Variants in GRIK2 observed in about 807,000 individuals in gnomAD.
GRIK2 encodes glutamate receptor ionotropic, kainate 2.
GRIK2 carries 32 observed loss-of-function variants against 100.3 expected under a neutral mutation model. That is an observed-to-expected ratio of 0.32 (90% CI 0.24 to 0.43). The LOEUF is 0.43. Ranked by LOEUF, GRIK2 falls within the 20% of genes least tolerant of loss-of-function variation. The probability of loss-of-function intolerance (pLI) is 1.00; values close to 1 mark genes in which losing one functional copy is unlikely to be tolerated. For missense variants in GRIK2, 843 were observed against 1,114.9 expected (o/e 0.76, Z 3.47); for synonymous variants, 417 against 389.4 (o/e 1.07, Z -0.83).
chr6:101,456,992 A>G (rs1771044301), intron 2 of GRIK2, among the ~76,000 whole-genome samples: 1 of 152,148 alleles, frequency 6.6e-6, no homozygotes, highest in Non-Finnish European at 1.5e-5. Flanking sequence ...TAAGTATGCC[A>G]TAGCAAAAAG....
At chr6:101,429,627 T>G (rs1769261637) in intron 2 of GRIK2, among the ~76,000 whole-genome samples, 1 of 152,136 alleles carries the variant, frequency 6.6e-6, no homozygotes, top group Non-Finnish European at 1.5e-5. Context: ...CTCTGGCCTA[T>G]AAGAAGGAAG....
At position 101,700,976 on chromosome 6, in the gene GRIK2, C is replaced by T. The variant is rs147266717; in HGVS notation, c.951+14623C>T. 6.5e-3 allele frequency among the ~76,000 whole-genome samples: 994 copies of T among 152,230 alleles called. 11 individuals carry two copies. The highest frequency in any genetic ancestry group is 0.029 in the South Asian group (140 of 4,826). ...TGACTAGGAAGACTCTAGTGCTTTTCACCGAAGTGGGGCTATTGCAAAAGC... is the reference window on the plus strand; with the variant it reads ...TGACTAGGAAGACTCTAGTGCTTTTTACCGAAGTGGGGCTATTGCAAAAGC... On this transcript the variant is annotated intron_variant, in intron 7 of 16. Coordinates refer to ENST00000369134, the MANE Select transcript of GRIK2 (RefSeq NM_021956.5).
chr6:101,695,676 G>A (rs961023349), intron 7 of GRIK2, among the ~76,000 whole-genome samples: 3 of 151,948 alleles, frequency 2.0e-5, no homozygotes, highest in African/African-American at 7.3e-5. Context: ...CTTATGACAG[G>A]ATTGCATGTT....
In GRIK2 at chr6:102,055,512, G is replaced by A; in HGVS notation, c.2494G>A (p.Val832Met). Residue 832 changes from valine to methionine, a missense_variant, in exon 16 of 17, where the codon GTG becomes ATG. Physicochemically the swap from Val to Met is conservative, Grantham distance 21. Coordinates refer to ENST00000369134, the MANE Select transcript of GRIK2 (RefSeq NM_021956.5). ...CTTCATTGTTCTGGCAGCCGGCTTGGTGCTTTCAGTTTTTGTGGCAGTGGG... is the reference window on the plus strand; with the variant it reads ...CTTCATTGTTCTGGCAGCCGGCTTGATGCTTTCAGTTTTTGTGGCAGTGGG... ...GIFIVLAAGL[V>M]LSVFVAVGEF... 1 of 1,613,454 alleles carries A rather than the reference G, an allele frequency of 6.2e-7. No homozygotes were observed. The highest frequency in any genetic ancestry group is 8.5e-7 in the Non-Finnish European group (1 of 1,179,496).
rs1776695856 is a variant in GRIK2, at chr6:101,750,133, G to T, written c.952-49515G>T. On this transcript the variant is annotated intron_variant, in intron 7 of 16. Transcript: ENST00000369134. ...CCCAGCAGTGTGTGCCAGTTTCTAT[G>T]ATAAATATCGTACCTAAAGTTGCCT... Among the ~76,000 whole-genome samples the T allele has an allele frequency of 2.0e-5, 3 of 152,008 alleles. No individual in the cohort carries two copies. In the South Asian group the frequency reaches 6.2e-4, roughly 32 times the overall value.
intron 2 of GRIK2, among the ~76,000 whole-genome samples, chr6:101,485,362 A>G (rs961387314): frequency 1.3e-5 from 2 of 152,212 alleles, no homozygotes; most frequent in African/African-American, 4.8e-5. Flanking sequence ...TTTGCATTGC[A>G]TTATAATTAT....
intron 7 of GRIK2, among the ~76,000 whole-genome samples, chr6:101,729,261 A>G (rs977495408): frequency 2.0e-5 from 3 of 151,988 alleles, no homozygotes; most frequent in Admixed American, 2.0e-4. Context: ...TATGCATTTA[A>G]TTAGAGAGAA....
chr6:101,625,039 G>A lies in GRIK2; in HGVS notation c.284-1341G>A, dbSNP rs1582846723. On this transcript the variant is annotated intron_variant, in intron 3 of 16. Coordinates refer to ENST00000369134, the MANE Select transcript of GRIK2 (RefSeq NM_021956.5). Reference sequence around the variant, plus strand: ...CCTGCATTGGCCTCCCGAAGTGCTGGGATTACAGGTGTGAACCATGGCATG... The same window carrying A: ...CCTGCATTGGCCTCCCGAAGTGCTGAGATTACAGGTGTGAACCATGGCATG... Among the ~76,000 whole-genome samples the A allele has an allele frequency of 2.0e-5, 3 of 151,808 alleles. No individual in the cohort carries two copies. In the South Asian group the frequency reaches 6.2e-4, roughly 32 times the overall value.
chr6:101,642,257 C>T (rs1781308355), intron 4 of GRIK2, among the ~76,000 whole-genome samples: 1 of 151,774 alleles, frequency 6.6e-6, no homozygotes, highest in African/African-American at 2.4e-5. Flanking sequence ...GTAAAATACA[C>T]ATACAATTTG....
At chr6:101,980,004 A>G (rs1335554575) in intron 14 of GRIK2, among the ~76,000 whole-genome samples, 1 of 151,966 alleles carries the variant, frequency 6.6e-6, no homozygotes, top group Non-Finnish European at 1.5e-5. Context: ...CTGGAGGCTT[A>G]GATTTGCTTC....
At chr6:101,698,827 G>T (rs967374583) in intron 7 of GRIK2, among the ~76,000 whole-genome samples, 1 of 152,092 alleles carries the variant, frequency 6.6e-6, no homozygotes, top group African/African-American at 2.4e-5. Context: ...AATGTATATA[G>T]AAAACAGTGC....
At chr6:101,796,786 T>A (rs1187825615) in intron 7 of GRIK2, among the ~76,000 whole-genome samples, 1 of 152,152 alleles carries the variant, frequency 6.6e-6, no homozygotes, top group Non-Finnish European at 1.5e-5. Context: ...GCTCAAGTGA[T>A]CCTCTTACCT....
At chr6:101,761,362 T>C (rs76579857) in intron 7 of GRIK2, among the ~76,000 whole-genome samples, 17 of 152,248 alleles carry the variant, frequency 1.1e-4, no homozygotes, top group Non-Finnish European at 1.9e-4. Context: ...TCTTTTTTTT[T>C]CCCCATGCAG....
At chr6:101,974,839 G>C (rs1469788604) in intron 14 of GRIK2, among the ~76,000 whole-genome samples, 1 of 151,766 alleles carries the variant, frequency 6.6e-6, no homozygotes, top group African/African-American at 2.4e-5. Context: ...ATATATAAGG[G>C]GGCATATATA....
At chr6:101,631,605 T>C (rs1780745919) in intron 4 of GRIK2, among the ~76,000 whole-genome samples, 1 of 152,188 alleles carries the variant, frequency 6.6e-6, no homozygotes, top group South Asian at 2.1e-4. Context: ...CTCCAGTGAC[T>C]GGCTCTCCTG....
intron 14 of GRIK2, among the ~76,000 whole-genome samples, chr6:101,982,287 A>G (rs1292243181): frequency 6.6e-6 from 1 of 151,894 alleles, no homozygotes; most frequent in African/African-American, 2.4e-5. Flanking sequence ...GTCTTTCTCT[A>G]ATTACTTCAT....
intron 2 of GRIK2, among the ~76,000 whole-genome samples, chr6:101,544,651 G>A (rs145271135): frequency 1.3e-4 from 20 of 152,134 alleles, no homozygotes; most frequent in Middle Eastern, 3.4e-3. Context: ...GTTCAAATTC[G>A]TCTAACCTTT....
At chr6:102,065,926 A>G in intron 16 of GRIK2, 1 of 1,388,490 alleles carries the variant, frequency 7.2e-7, no homozygotes. Context: ...AGTACATCTA[A>G]TAGTAGGTAT....
chr6:101,623,136 G>A (rs1185555198), intron 3 of GRIK2, among the ~76,000 whole-genome samples: 2 of 152,010 alleles, frequency 1.3e-5, no homozygotes, highest in African/African-American at 4.8e-5. Flanking sequence ...TGGTGGAAAT[G>A]TACATAATTA....
Sources: gnomAD v4.1 joint callset for allele counts (sites outside exome capture counted in the v4.1 genomes callset) on GRCh38, gnomAD v4.1.1 for gene constraint, MANE v1.5 for transcripts, NCBI Gene and HGNC (gene_info 2026-07-23, HGNC 2026-07-21) for gene names.